The following BMERB1 variants were observed in gnomAD, a reference collection of about 807,000 sequenced individuals.
BMERB1 encodes bMERB domain-containing protein 1.
In BMERB1, 12 loss-of-function variants were observed where a neutral mutation model predicts 23.6. That is an observed-to-expected ratio of 0.51 (90% CI 0.33 to 0.82). BMERB1 has a LOEUF of 0.82. Among genes scored for constraint, BMERB1 ranks in the 40% least tolerant of loss-of-function variants. The pLI, the probability that BMERB1 is intolerant of heterozygous loss-of-function variation, is 0.03. For synonymous variants in BMERB1, 122 were observed against 96.6 expected (o/e 1.26, Z -1.54); for missense variants, 247 against 255.4 (o/e 0.97, Z 0.22).
intron 1 of BMERB1, chr16:15,502,429 A>T: frequency 7.0e-7 from 1 of 1,432,190 alleles, no homozygotes; most frequent in Non-Finnish European, 9.6e-7. Context: ...GCAGGCTGGG[A>T]GAAATCGAGC....
intron 1 of BMERB1, among the ~76,000 whole-genome samples, chr16:15,440,946 G>A (rs368786219): frequency 1.3e-5 from 2 of 152,168 alleles, no homozygotes; most frequent in African/African-American, 2.4e-5. Flanking sequence ...TTCAGGAAGC[G>A]CTTCTCTAAG....
At chr16:15,480,844 C>T (rs565440405) in intron 1 of BMERB1, among the ~76,000 whole-genome samples, 10 of 151,808 alleles carry the variant, frequency 6.6e-5, no homozygotes, top group South Asian at 2.1e-4. Flanking sequence ...GATCTCTTGA[C>T]GTCAAGATCC....
chr16:15,452,792 G>A (rs761493784), intron 1 of BMERB1, among the ~76,000 whole-genome samples: 4 of 151,986 alleles, frequency 2.6e-5, no homozygotes, highest in Admixed American at 1.3e-4. Flanking sequence ...TAAGTGTATC[G>A]GACCAGCTAG....
chr16:15,435,283 G>A (rs1363093341), intron 1 of BMERB1, among the ~76,000 whole-genome samples: 2 of 152,202 alleles, frequency 1.3e-5, no homozygotes, highest in Non-Finnish European at 2.9e-5. Flanking sequence ...GGGGTGGGAG[G>A]CTTGGGGCGG....
At chr16:15,489,015 A>G (rs983471116) in intron 1 of BMERB1, among the ~76,000 whole-genome samples, 4 of 151,394 alleles carry the variant, frequency 2.6e-5, no homozygotes, top group African/African-American at 7.3e-5. Flanking sequence ...TATCCCCTCC[A>G]TGAGGGCTTT....
intron 1 of BMERB1, among the ~76,000 whole-genome samples, 163 bp downstream of exon 1, chr16:15,434,922 G>C (rs974402374): frequency 2.6e-5 from 4 of 152,250 alleles, no homozygotes; most frequent in Admixed American, 2.0e-4. Context: ...GCAGCGACGC[G>C]CTCTCCCCGC....
intron 3 of BMERB1, among the ~76,000 whole-genome samples, chr16:15,575,528 C>T (rs1365651230): frequency 2.0e-5 from 3 of 152,164 alleles, no homozygotes; most frequent in Non-Finnish European, 4.4e-5. Context: ...CCCTGTGTTA[C>T]TGGTGGAAGG....
intron 2 of BMERB1, among the ~76,000 whole-genome samples, chr16:15,553,873 C>T (rs1410936019): frequency 6.6e-6 from 1 of 152,124 alleles, no homozygotes; most frequent in Non-Finnish European, 1.5e-5. Flanking sequence ...TGTGGAAATA[C>T]TGATCACCAT....
chr16:15,533,113 C>T (rs1487545205), intron 2 of BMERB1: 4 of 424,266 alleles, frequency 9.4e-6, no homozygotes, highest in African/African-American at 2.0e-5. Context: ...ATATTAAGTG[C>T]TCAGTCCAGT....
At position 15,587,126 on chromosome 16, in the gene BMERB1, T is replaced by G; in HGVS notation, c.*297T>G. ...CTCCCTCAAAAAAGCATATCTCCAC[T>G]TCTCTCTAGCTGTATCTAACCCACC... On this transcript the variant is annotated 3_prime_UTR_variant, in exon 6 of 6. Coordinates refer to ENST00000300006, the MANE Select transcript of BMERB1 (RefSeq NM_033201.3). 3 of 396,482 alleles carry G rather than the reference T, an allele frequency of 7.6e-6. No homozygotes were observed. The highest frequency in any genetic ancestry group is 9.2e-6 in the Non-Finnish European group (2 of 217,904). The allele number at this position is 396,482 out of a possible 1,614,324, so 24.6% of individuals were successfully genotyped here. A position where few individuals can be genotyped will look rare whatever the true frequency, so the allele number is the denominator to read the frequency against.
chr16:15,534,220 C>T (rs1280350832), intron 2 of BMERB1, among the ~76,000 whole-genome samples: 2 of 148,356 alleles, frequency 1.3e-5, no homozygotes, highest in East Asian at 2.0e-4. Context: ...ATGTAACTGT[C>T]CCTCCAGCCC....
intron 1 of BMERB1, among the ~76,000 whole-genome samples, chr16:15,457,408 C>G (rs1353200432): frequency 6.6e-6 from 1 of 152,204 alleles, no homozygotes; most frequent in Non-Finnish European, 1.5e-5. Flanking sequence ...ACGTCTGACT[C>G]TTGCCTCCAG....
At chr16:15,439,638 A>G (rs1199524350) in intron 1 of BMERB1, among the ~76,000 whole-genome samples, 2 of 152,146 alleles carry the variant, frequency 1.3e-5, no homozygotes, top group Non-Finnish European at 2.9e-5. Flanking sequence ...GGTTCAAAGT[A>G]ATTGCTCCCA....
At chr16:15,586,663 C>T in intron 5 of BMERB1, 54 bp from the exon 6 acceptor site, 1 of 1,313,550 alleles carries the variant, frequency 7.6e-7, no homozygotes, top group East Asian at 2.5e-5. Flanking sequence ...CTCACCTCAC[C>T]TCTCTCTCTC....
chr16:15,445,941 A>G lies in BMERB1; in HGVS notation c.106+11182A>G, dbSNP rs555352176. 5.3e-5 allele frequency among the ~76,000 whole-genome samples: 8 copies of G among 152,338 alleles called. No homozygotes were observed. The South Asian group carries it at 1.2e-3, about 24-fold the overall frequency. On this transcript the variant is annotated intron_variant, in intron 1 of 5. Coordinates refer to ENST00000300006, the MANE Select transcript of BMERB1 (RefSeq NM_033201.3). ...AAAAGGAACAGACTAAAGACACACT[A>G]TGTAAATGGATCACAAAATCATCAT...
intron 1 of BMERB1, among the ~76,000 whole-genome samples, chr16:15,479,530 A>G (rs377617987): frequency 1.3e-5 from 2 of 152,150 alleles, no homozygotes; most frequent in African/African-American, 4.8e-5. Context: ...TGAAAAGGCT[A>G]TTAAACTACT....
intron 1 of BMERB1, chr16:15,502,474 A>G: frequency 9.8e-7 from 1 of 1,018,332 alleles, no homozygotes; most frequent in Non-Finnish European, 1.5e-6. Context: ...CAGTGACTTC[A>G]TCTCTTTGGG....
At chr16:15,485,412 G>A (rs568605231) in intron 1 of BMERB1, among the ~76,000 whole-genome samples, 1 of 152,244 alleles carries the variant, frequency 6.6e-6, no homozygotes, top group African/African-American at 2.4e-5. Flanking sequence ...CTGTAAATGG[G>A]TTTATCACCA....
chr16:15,548,627 T>G (rs779389829), intron 2 of BMERB1, among the ~76,000 whole-genome samples: 4 of 152,166 alleles, frequency 2.6e-5, no homozygotes, highest in Non-Finnish European at 4.4e-5. Context: ...ACATCACTCA[T>G]TCTAGTCCTA....
Sources: allele counts gnomAD v4.1 joint callset (sites outside exome capture counted in the v4.1 genomes callset), GRCh38; gene constraint gnomAD v4.1.1; transcripts MANE v1.5; gene names NCBI Gene and HGNC (gene_info 2026-07-23, HGNC 2026-07-21).